The following GALNT2 variants were observed in gnomAD, a reference collection of about 807,000 sequenced individuals.
The protein encoded by GALNT2 is polypeptide N-acetylgalactosaminyltransferase 2.
GALNT2 carries 31 observed loss-of-function variants against 81.4 expected under a neutral mutation model. The ratio of observed to expected loss-of-function variants is 0.38; its 90% CI spans 0.29 to 0.51. The LOEUF (loss-of-function observed/expected upper bound fraction) is 0.51, where lower values mean the gene tolerates loss of function less well. Among genes scored for constraint, GALNT2 ranks in the 20% least tolerant of loss-of-function variants. GALNT2 has a pLI of 0.87. For synonymous variants in GALNT2, 303 were observed against 287.4 expected (o/e 1.05, Z -0.55); for missense variants, 629 against 765.7 (o/e 0.82, Z 2.11).
chr1:230,213,670 G>T (rs1664299619), intron 3 of GALNT2, among the ~76,000 whole-genome samples: 1 of 152,136 alleles, frequency 6.6e-6, no homozygotes, highest in South Asian at 2.1e-4. Context: ...CATCTCACTG[G>T]TTGTGTTCTC....
At chr1:230,112,859 C>T (rs951819482) in intron 1 of GALNT2, among the ~76,000 whole-genome samples, 3 of 152,168 alleles carry the variant, frequency 2.0e-5, no homozygotes, top group Non-Finnish European at 2.9e-5. Flanking sequence ...AGGACAAAAT[C>T]TTATACCAAG....
intron 2 of GALNT2, among the ~76,000 whole-genome samples, chr1:230,198,425 G>A (rs1663777446): frequency 6.9e-6 from 1 of 144,296 alleles, no homozygotes; most frequent in Non-Finnish European, 1.5e-5. Context: ...TACGAGGAGT[G>A]GCAGGGGCAG....
intron 1 of GALNT2, among the ~76,000 whole-genome samples, chr1:230,158,557 C>A (rs1662332326): frequency 6.6e-6 from 1 of 152,210 alleles, no homozygotes; most frequent in African/African-American, 2.4e-5. Context: ...GAGACTCTTC[C>A]AGGGAGCCTG....
chr1:230,222,046 A>ATTTTTTT, intron 3 of GALNT2, among the ~76,000 whole-genome samples: 1 of 33,714 alleles, frequency 3.0e-5, no homozygotes, highest in African/African-American at 5.9e-4. Flanking sequence ...TTTTTTTTTG[A>ATTTTTTT]GACAGAGTCT....
chr1:230,121,565 G>A (rs1661016092), intron 1 of GALNT2, among the ~76,000 whole-genome samples: 1 of 152,198 alleles, frequency 6.6e-6, no homozygotes, highest in Non-Finnish European at 1.5e-5. Flanking sequence ...CTCAAGGCAA[G>A]GTTTGAGGGG....
At chr1:230,093,880 A>G (rs1660166619) in intron 1 of GALNT2, among the ~76,000 whole-genome samples, 2 of 152,220 alleles carry the variant, frequency 1.3e-5, no homozygotes, top group African/African-American at 4.8e-5. Flanking sequence ...CAATAATGAA[A>G]TCACCTAAGG....
chr1:230,255,081 A>T, intron 10 of GALNT2, 137 bp from the exon 11 acceptor site: 1 of 1,234,956 alleles, frequency 8.1e-7, no homozygotes, highest in Non-Finnish European at 1.2e-6. Context: ...TCCTTATCAG[A>T]TCTCCTTCAG....
At chr1:230,276,710 G>C (rs1359491434) in intron 15 of GALNT2, among the ~76,000 whole-genome samples, 1 of 152,196 alleles carries the variant, frequency 6.6e-6, no homozygotes, top group Non-Finnish European at 1.5e-5. Flanking sequence ...CTAGGGTTCT[G>C]CTCACAATCC....
At position 230,067,351 on chromosome 1, in the gene GALNT2, A is replaced by C. The variant is rs374592862; in HGVS notation, c.71A>C (p.Tyr24Ser). The C allele has an allele frequency of 3.3e-5, 45 of 1,370,502 alleles. No homozygotes were observed. Among genetic ancestry groups the C allele is most frequent in the Admixed American group, 1.1e-4 (4 of 36,894 alleles). 84.9% of individuals were successfully genotyped at this position (1,370,502 alleles called of 1,614,324 possible). A position where few individuals can be genotyped will look rare whatever the true frequency, so the allele number is the denominator to read the frequency against. ...GTGCTGGGCATCGCCTACTACATGT[A>C]CTCGGGGGGCGGCTCTGCGCTGGCC... ...LWVLGIAYYMYSGGGSALAGG... is the reference protein window; with the variant it reads ...LWVLGIAYYMSSGGGSALAGG... Residue 24 changes from tyrosine to serine, a missense_variant, in exon 1 of 16, where the codon TAC becomes TCC. Physicochemically the swap from Tyr to Ser is moderately radical, Grantham distance 144. Transcript: ENST00000366672.
At chr1:230,166,360 T>C (rs1325754701) in intron 1 of GALNT2, among the ~76,000 whole-genome samples, 4 of 152,244 alleles carry the variant, frequency 2.6e-5, no homozygotes, top group African/African-American at 9.6e-5. Flanking sequence ...TTTTCTTGGG[T>C]GCAGATAGCA....
chr1:230,086,994 A>C (rs1192041550), intron 1 of GALNT2, among the ~76,000 whole-genome samples: 6 of 152,224 alleles, frequency 3.9e-5, no homozygotes. Flanking sequence ...AGGGTTCAAC[A>C]AGATGTTGCC....
At chr1:230,270,520 G>T (rs1666138134) in intron 14 of GALNT2, among the ~76,000 whole-genome samples, 1 of 152,208 alleles carries the variant, frequency 6.6e-6, no homozygotes, top group Non-Finnish European at 1.5e-5. Flanking sequence ...TCATTCTGGT[G>T]AATTTAAATG....
intron 1 of GALNT2, among the ~76,000 whole-genome samples, chr1:230,099,227 T>C (rs1660334004): frequency 6.6e-6 from 1 of 152,206 alleles, no homozygotes; most frequent in South Asian, 2.1e-4. Context: ...CAGGTTTGCT[T>C]TCCTTAAGGG....
At chr1:230,137,287 G>A (rs1416803039) in intron 1 of GALNT2, among the ~76,000 whole-genome samples, 1 of 152,346 alleles carries the variant, frequency 6.6e-6, no homozygotes, top group African/African-American at 2.4e-5. Context: ...GCTGGGGTGG[G>A]GTTGGTTCTG....
chr1:230,199,428 T>C (rs1663816004), intron 2 of GALNT2, among the ~76,000 whole-genome samples: 2 of 152,314 alleles, frequency 1.3e-5, no homozygotes, highest in South Asian at 4.2e-4. Context: ...AGCTTAGCGT[T>C]TTCCAAATTA....
chr1:230,109,810 A>G (rs904439361), intron 1 of GALNT2, among the ~76,000 whole-genome samples: 7 of 152,108 alleles, frequency 4.6e-5, no homozygotes, highest in Admixed American at 4.6e-4. Flanking sequence ...AGCCTGGGCA[A>G]CAAGAGCGAA....
At chr1:230,220,647 T>G (rs1449488997) in intron 3 of GALNT2, among the ~76,000 whole-genome samples, 1 of 152,144 alleles carries the variant, frequency 6.6e-6, no homozygotes, top group Non-Finnish European at 1.5e-5. Context: ...TTAACCCAGT[T>G]GACTGTAGAA....
At chr1:230,183,217 C>T (rs947779251) in intron 2 of GALNT2, among the ~76,000 whole-genome samples, 1 of 152,056 alleles carries the variant, frequency 6.6e-6, no homozygotes, top group Non-Finnish European at 1.5e-5. Context: ...ACTTATTTTT[C>T]GATTCTCACA....
At chr1:230,277,072 G>C (rs1159081374) in intron 15 of GALNT2, among the ~76,000 whole-genome samples, 1 of 152,120 alleles carries the variant, frequency 6.6e-6, no homozygotes, top group Non-Finnish European at 1.5e-5. Flanking sequence ...CCAGTTTTGG[G>C]GAACCATAAC....
Sources: allele counts gnomAD v4.1 joint callset (sites outside exome capture counted in the v4.1 genomes callset), GRCh38; gene constraint gnomAD v4.1.1; transcripts MANE v1.5; gene names NCBI Gene and HGNC (gene_info 2026-07-23, HGNC 2026-07-21).